The following SLC2A13 variants were observed in gnomAD, a reference collection of about 807,000 sequenced individuals.
The protein encoded by SLC2A13 is solute carrier family 2 member 13.
A neutral mutation model predicts 64.4 loss-of-function variants in SLC2A13; 32 were observed. The ratio of observed to expected loss-of-function variants is 0.50; its 90% CI spans 0.37 to 0.67. The LOEUF (loss-of-function observed/expected upper bound fraction) is 0.67. SLC2A13 is among the 30% of genes least tolerant of loss of function. The pLI is 0.00. For missense variants in SLC2A13, 743 were observed against 829.2 expected (o/e 0.90, Z 1.28); for synonymous variants, 338 against 327.1 (o/e 1.03, Z -0.36).
intron 6 of SLC2A13, among the ~76,000 whole-genome samples, chr12:39,844,338 AAT>A (rs1431420829): frequency 6.6e-6 from 1 of 152,066 alleles, no homozygotes. Context: ...GTCAAAGTTT[AAT>A]GTAAGCACTG....
At chr12:39,782,778 G>A (rs1941040829) in intron 7 of SLC2A13, among the ~76,000 whole-genome samples, 1 of 152,184 alleles carries the variant, frequency 6.6e-6, no homozygotes. Context: ...AATACAGATA[G>A]TGATATGAAC....
intron 4 of SLC2A13, 124 bp downstream of exon 4, chr12:39,951,133 G>A (rs1946221630): frequency 1.4e-6 from 1 of 732,694 alleles, no homozygotes; most frequent in Admixed American, 3.5e-5. Context: ...CCCAAAAGGA[G>A]AATTCATACA....
chr12:39,906,658 T>C (rs1372376850), intron 4 of SLC2A13, among the ~76,000 whole-genome samples: 1 of 152,048 alleles, frequency 6.6e-6, no homozygotes, highest in Admixed American at 6.6e-5. Flanking sequence ...AGGATGAGGA[T>C]GGGGTGGAGG....
At chr12:39,980,240 C>T (rs1468502818) in intron 3 of SLC2A13, among the ~76,000 whole-genome samples, 4 of 152,032 alleles carry the variant, frequency 2.6e-5, no homozygotes, top group African/African-American at 7.3e-5. Flanking sequence ...TAAAGACCAT[C>T]GAGACTAGGA....
intron 7 of SLC2A13, among the ~76,000 whole-genome samples, chr12:39,810,185 T>G (rs1278414670): frequency 6.6e-6 from 1 of 152,194 alleles, no homozygotes; most frequent in Admixed American, 6.5e-5. Context: ...ACGAGTGTGA[T>G]CTACTTAGTT....
intron 7 of SLC2A13, among the ~76,000 whole-genome samples, chr12:39,795,034 C>T (rs1941529040): frequency 6.6e-6 from 1 of 152,086 alleles, no homozygotes; most frequent in Non-Finnish European, 1.5e-5. Flanking sequence ...TGCTGGGATG[C>T]TTTGTGCTTC....
intron 5 of SLC2A13, 106 bp downstream of exon 5, chr12:39,871,692 T>G: frequency 1.7e-6 from 2 of 1,158,038 alleles, no homozygotes; most frequent in Non-Finnish European, 2.3e-6. Flanking sequence ...GTTGTTTGGC[T>G]GAGAAACCAA....
chr12:40,041,072 C>A (rs1948078893), intron 2 of SLC2A13, among the ~76,000 whole-genome samples: 1 of 152,152 alleles, frequency 6.6e-6, no homozygotes, highest in African/African-American at 2.4e-5. Context: ...TTTGCCTCAG[C>A]CTCCCGAGTA....
chr12:39,871,815 G>GT lies in SLC2A13; in HGVS notation c.1180dup (p.Thr394AsnfsTer4), dbSNP rs1167190842. The GT allele has an allele frequency of 6.2e-7, 1 of 1,608,070 alleles. No individual in the cohort carries two copies. Among genetic ancestry groups the GT allele is most frequent in the Non-Finnish European group, 8.5e-7 (1 of 1,177,596 alleles). ...CCACCTACCTGCTAAACTACCAAAG[G>GT]TAAGCTTTCTGCGGCCCACCTTCTC... is the stretch of plus-strand genomic sequence containing the variant. On this transcript the variant is annotated frameshift_variant, in exon 5 of 10. Transcript: ENST00000280871. LOFTEE classifies it high-confidence loss of function.
intron 3 of SLC2A13, among the ~76,000 whole-genome samples, chr12:39,995,359 G>T (rs1261786476): frequency 6.6e-6 from 1 of 151,970 alleles, no homozygotes; most frequent in Non-Finnish European, 1.5e-5. Flanking sequence ...CCTCCCTACT[G>T]TGCTATCAAA....
At chr12:40,046,471 A>G (rs1026650514) in intron 2 of SLC2A13, among the ~76,000 whole-genome samples, 1 of 152,192 alleles carries the variant, frequency 6.6e-6, no homozygotes, top group Non-Finnish European at 1.5e-5. Flanking sequence ...TATATTACTT[A>G]CATTAATAAA....
intron 3 of SLC2A13, among the ~76,000 whole-genome samples, chr12:39,994,297 C>A (rs1319214944): frequency 6.6e-6 from 1 of 150,966 alleles, no homozygotes; most frequent in Non-Finnish European, 1.5e-5. Context: ...GCAGGAGAAT[C>A]GCTTGAACCC....
At chr12:39,884,177 C>T (rs1944414764) in intron 4 of SLC2A13, among the ~76,000 whole-genome samples, 1 of 152,140 alleles carries the variant, frequency 6.6e-6, no homozygotes, top group Non-Finnish European at 1.5e-5. Flanking sequence ...CTATGTTGCT[C>T]AGGCTGGTCT....
At chr12:40,047,004 C>A (rs1156924264) in intron 2 of SLC2A13, among the ~76,000 whole-genome samples, 2 of 151,730 alleles carry the variant, frequency 1.3e-5, no homozygotes, top group Non-Finnish European at 2.9e-5. Flanking sequence ...AGGGTTCAAG[C>A]GATTCTCCTG....
chr12:39,830,460 A>C, intron 6 of SLC2A13: 1 of 1,237,588 alleles, frequency 8.1e-7, no homozygotes, highest in South Asian at 2.2e-5. Context: ...TTTGAGCTGA[A>C]GGAGGCTTGG....
intron 3 of SLC2A13, among the ~76,000 whole-genome samples, chr12:40,015,824 C>T (rs1465901576): frequency 6.6e-6 from 1 of 152,164 alleles, no homozygotes; most frequent in African/African-American, 2.4e-5. Context: ...ATGCAGTTTA[C>T]TTGAGGTTTT....
intron 6 of SLC2A13, among the ~76,000 whole-genome samples, chr12:39,831,526 A>C (rs1193813565): frequency 6.6e-6 from 1 of 152,176 alleles, no homozygotes; most frequent in Admixed American, 6.5e-5. Context: ...CAAAATCAAA[A>C]CACTTTTTTG....
intron 7 of SLC2A13, among the ~76,000 whole-genome samples, chr12:39,801,395 T>C (rs977878771): frequency 1.5e-5 from 2 of 136,850 alleles, no homozygotes; most frequent in African/African-American, 5.4e-5. Context: ...AGCAAAGGCA[T>C]AAACAAAACA....
At chr12:40,032,196 AG>A (rs1470329712) in intron 2 of SLC2A13, among the ~76,000 whole-genome samples, 5 of 152,164 alleles carry the variant, frequency 3.3e-5, no homozygotes, top group African/African-American at 9.7e-5. Flanking sequence ...CTGAGAACCA[AG>A]GATCTAAATG....
Sources: gnomAD v4.1 joint callset for allele counts (sites outside exome capture counted in the v4.1 genomes callset) on GRCh38, gnomAD v4.1.1 for gene constraint, MANE v1.5 for transcripts, NCBI Gene and HGNC (gene_info 2026-07-23, HGNC 2026-07-21) for gene names.